CRB1: variants seen among roughly 807,000 people sequenced by gnomAD.
CRB1 encodes crumbs cell polarity complex component 1.
In CRB1, 83 loss-of-function variants were observed where a neutral mutation model predicts 120.0. The observed-to-expected ratio is 0.69, with a 90% CI of 0.58 to 0.83. The LOEUF (loss-of-function observed/expected upper bound fraction) is 0.83, where lower values mean the gene tolerates loss of function less well. Among genes scored for constraint, CRB1 ranks in the 40% least tolerant of loss-of-function variants. The pLI is 0.00. For synonymous variants in CRB1, 625 were observed against 612.5 expected (o/e 1.02, Z -0.30); for missense variants, 1,699 against 1,687.6 (o/e 1.01, Z -0.12).
At chr1:197,225,623 T>C in the CRB1 span, among the ~76,000 whole-genome samples, 3 of 152,096 alleles carry the variant, frequency 2.0e-5, no homozygotes. Flanking sequence ...AAAGCGGAGG[T>C]CTGTGATCTT....
chr1:197,442,604 A>ACTT (rs1294527439), intron 11 of CRB1: 1 of 1,270,688 alleles, frequency 7.9e-7, no homozygotes, highest in Non-Finnish European at 1.0e-6. Flanking sequence ...TCCTATTCTA[A>ACTT]CTTTAAATAT....
the CRB1 span, among the ~76,000 whole-genome samples, chr1:197,204,021 C>T: frequency 6.6e-6 from 1 of 152,144 alleles, no homozygotes; most frequent in African/African-American, 2.4e-5. Context: ...GTTTAGCTCC[C>T]ACTTATGAGT....
chr1:197,239,136 T>G, the CRB1 span, among the ~76,000 whole-genome samples: 1,663 of 152,232 alleles, frequency 0.011, 13 homozygotes, highest in Non-Finnish European at 0.018. Flanking sequence ...TGGCTCAGGT[T>G]ATAGTCTATC....
the CRB1 span, among the ~76,000 whole-genome samples, chr1:197,205,729 C>G: frequency 6.6e-6 from 1 of 152,062 alleles, no homozygotes; most frequent in African/African-American, 2.4e-5. Context: ...TATATCCTTT[C>G]CTGGTTTTGG....
chr1:197,351,390 G>A (rs1324484735), intron 4 of CRB1, among the ~76,000 whole-genome samples: 2 of 145,290 alleles, frequency 1.4e-5, no homozygotes, highest in Non-Finnish European at 1.5e-5. Flanking sequence ...AAAAAAAGGA[G>A]AAGAAAAGAA....
At chr1:197,349,733 A>G (rs1288094815) in intron 4 of CRB1, among the ~76,000 whole-genome samples, 1 of 152,222 alleles carries the variant, frequency 6.6e-6, no homozygotes, top group Non-Finnish European at 1.5e-5. Context: ...GGAAATCTAT[A>G]TATGTTATGT....
chr1:197,447,221 A>G (rs1276933564), intron 11 of CRB1, among the ~76,000 whole-genome samples: 1 of 152,174 alleles, frequency 6.6e-6, no homozygotes, highest in East Asian at 1.9e-4. Context: ...GAGTGAACTC[A>G]GTGATCAAGT....
intron 3 of CRB1, among the ~76,000 whole-genome samples, chr1:197,346,666 C>A (rs1039150492): frequency 6.6e-6 from 1 of 152,118 alleles, no homozygotes; most frequent in Non-Finnish European, 1.5e-5. Flanking sequence ...GAGACCCCGA[C>A]CTAAATTAAA....
chr1:197,239,243 T>C, the CRB1 span, among the ~76,000 whole-genome samples: 1 of 152,148 alleles, frequency 6.6e-6, no homozygotes, highest in Non-Finnish European at 1.5e-5. Flanking sequence ...CCTTATGTTG[T>C]TGAGTTTATT....
Position 197,347,477 on chromosome 1 carries a change from C to G in CRB1, c.986C>G (p.Pro329Arg). Residue 329 changes from proline to arginine, a missense_variant and splice_region_variant, in exon 4 of 12, where the codon CCT becomes CGT. By Grantham distance (103) the Pro-to-Arg change is moderately radical. Transcript: ENST00000367400. ...SVDNYTCHCW[P>R]GYTGAQCEID... ...GACAATTACACTTGTCACTGCTGGC[C>G]TGGTGAGTGACAAAATACCTTCCAC... 1 of 1,613,992 alleles carries G rather than the reference C, an allele frequency of 6.2e-7. No homozygotes were observed.
At chr1:197,453,842 A>G (rs1415617301) in intron 11 of CRB1, among the ~76,000 whole-genome samples, 1 of 142,472 alleles carries the variant, frequency 7.0e-6, no homozygotes, top group East Asian at 2.0e-4. Context: ...ATATATTATC[A>G]ATATTATTAT....
intron 11 of CRB1, among the ~76,000 whole-genome samples, chr1:197,474,169 A>G (rs974114478): frequency 6.6e-6 from 1 of 152,210 alleles, no homozygotes; most frequent in Non-Finnish European, 1.5e-5. Context: ...AGAACTTCCT[A>G]TAGGCTGTGC....
intron 1 of CRB1, among the ~76,000 whole-genome samples, chr1:197,272,561 G>A (rs540666120): frequency 5.3e-5 from 8 of 152,114 alleles, no homozygotes; most frequent in African/African-American, 4.8e-5. Flanking sequence ...TAAGCAAACC[G>A]TGCTACATCT....
At chr1:197,402,361 A>C (rs550700132) in intron 5 of CRB1, among the ~76,000 whole-genome samples, 2 of 152,274 alleles carry the variant, frequency 1.3e-5, no homozygotes, top group East Asian at 3.9e-4. Flanking sequence ...CTCCTGCTCC[A>C]TCCATGTTCT....
At chr1:197,403,865 A>G (rs989512351) in intron 5 of CRB1, among the ~76,000 whole-genome samples, 11 of 152,162 alleles carry the variant, frequency 7.2e-5, no homozygotes, top group Non-Finnish European at 1.2e-4. Context: ...TAACAAAATA[A>G]ATCTGTGAGC....
chr1:197,406,246 C>T (rs1455991698), intron 5 of CRB1, among the ~76,000 whole-genome samples: 1 of 152,170 alleles, frequency 6.6e-6, no homozygotes, highest in Non-Finnish European at 1.5e-5. Flanking sequence ...AATTCTTCTG[C>T]CTTGGGATCT....
At chr1:197,438,813 T>C (rs1028072731) in intron 10 of CRB1, 138 bp downstream of exon 10, 2 of 989,398 alleles carry the variant, frequency 2.0e-6, no homozygotes, top group Non-Finnish European at 1.5e-6. Context: ...TCAGACAGAA[T>C]GAAACAATAA....
chr1:197,338,915 G>A (rs1294937082), intron 2 of CRB1, among the ~76,000 whole-genome samples: 2 of 152,104 alleles, frequency 1.3e-5, no homozygotes, highest in African/African-American at 2.4e-5. Flanking sequence ...AAGAGGCTAA[G>A]GCACTGCTGA....
At chr1:197,251,777 T>G in the CRB1 span, among the ~76,000 whole-genome samples, 1 of 152,048 alleles carries the variant, frequency 6.6e-6, no homozygotes, top group Non-Finnish European at 1.5e-5. Flanking sequence ...TGTGCACACA[T>G]GCATGTGCAT....
Sources: allele counts gnomAD v4.1 joint callset (sites outside exome capture counted in the v4.1 genomes callset), GRCh38; gene constraint gnomAD v4.1.1; transcripts MANE v1.5; gene names NCBI Gene and HGNC (gene_info 2026-07-23, HGNC 2026-07-21).